Variants in SLC25A10 observed in about 807,000 individuals in gnomAD.
SLC25A10 encodes the protein solute carrier family 25 member 10.
Under a neutral mutation model 40.4 loss-of-function variants are expected in SLC25A10, and 32 were observed. The observed-to-expected ratio is 0.79, with a 90% CI of 0.60 to 1.06. The LOEUF is 1.06. Ranked by LOEUF, SLC25A10 falls within the 50% of genes least tolerant of loss-of-function variation. SLC25A10 has a pLI of 0.00. For missense variants in SLC25A10, 394 were observed against 402.6 expected (o/e 0.98, Z 0.18); for synonymous variants, 181 against 171.1 (o/e 1.06, Z -0.45).
chr17:81,719,888 G>T lies in SLC25A10; in HGVS notation c.762+1G>T, dbSNP rs762087308. 1.2e-6 allele frequency: 2 copies of T among 1,613,860 alleles called. No homozygotes were observed. The highest frequency in any genetic ancestry group is 2.2e-5 in the East Asian group (1 of 44,882). On this transcript the variant is annotated splice_donor_variant, in intron 10 of 10. Transcript: ENST00000350690. LOFTEE classifies it high-confidence loss of function. ...GCTCGGGCCTCTGGCCTTTTACAAG[G>T]TGCAGTGGTGGCGGCAGTGGCGGCT...
intron 8 of SLC25A10, 72 bp from the exon 9 acceptor site, chr17:81,717,712 G>T: frequency 6.5e-7 from 1 of 1,538,210 alleles, no homozygotes; most frequent in South Asian, 1.2e-5. Flanking sequence ...TGGAGGTTCT[G>T]GCACGTGGGT....
At chr17:81,717,749 C>T in intron 8 of SLC25A10, 35 bp from the exon 9 acceptor site, 1 of 1,600,048 alleles carries the variant, frequency 6.2e-7, no homozygotes, top group Non-Finnish European at 8.5e-7. Flanking sequence ...GCCTGGCGTA[C>T]CTGACAGGCC....
At chr17:81,717,917 C>A in intron 9 of SLC25A10, 56 bp downstream of exon 9, 1 of 1,384,340 alleles carries the variant, frequency 7.2e-7, no homozygotes. Context: ...GTCCCCTCAC[C>A]TCTCCGGGGG....
At position 81,717,327 on chromosome 17, in the gene SLC25A10, G is replaced by T. The variant is rs562378323; in HGVS notation, c.535-72G>T. On this transcript the variant is annotated intron_variant, in intron 7 of 10. Transcript: ENST00000350690. ...TGCTTGGCCATTGCCAGGTGGTGTC[G>T]CCTGGGGCCCTGTGTGCTTTCCCCA... The T allele has an allele frequency of 1.2e-5, 18 of 1,459,240 alleles. No homozygotes were observed. In the African/African-American group the frequency reaches 2.4e-4, roughly 19 times the overall value. 90.4% of individuals were successfully genotyped at this position (1,459,240 alleles called of 1,614,324 possible).
At chr17:81,716,168 G>T in intron 5 of SLC25A10, 118 bp downstream of exon 5, 1 of 1,097,996 alleles carries the variant, frequency 9.1e-7, no homozygotes, top group Non-Finnish European at 1.3e-6. Context: ...GTGCCTGCAC[G>T]GTCCATGGAG....
chr17:81,713,323 C>A, intron 1 of SLC25A10: 1 of 319,564 alleles, frequency 3.1e-6, no homozygotes, highest in Non-Finnish European at 4.5e-6. Flanking sequence ...GAAGAAAGGG[C>A]CTGAGGCTTT....
chr17:81,717,567 G>A (rs1293189107), intron 8 of SLC25A10, 76 bp downstream of exon 8: 3 of 1,534,082 alleles, frequency 2.0e-6, no homozygotes, highest in Non-Finnish European at 2.7e-6. Context: ...ATGGGGCGAG[G>A]GCTGGGGGAG....
At chr17:81,715,876 AG>A in intron 4 of SLC25A10, 132 bp from the exon 5 acceptor site, 1 of 1,417,720 alleles carries the variant, frequency 7.1e-7, no homozygotes, top group Non-Finnish European at 9.9e-7. Flanking sequence ...TGGGCATAGG[AG>A]GGTGGGTGTC....
chr17:81,712,748 C>T (rs1334038782), intron 1 of SLC25A10, among the ~76,000 whole-genome samples: 1 of 152,242 alleles, frequency 6.6e-6, no homozygotes, highest in Non-Finnish European at 1.5e-5. Context: ...AGCTTCCCAG[C>T]CGGCTTCCCA....
At position 81,715,748 on chromosome 17, in the gene SLC25A10, G is replaced by A. The variant is rs530097482; in HGVS notation, c.377+7G>A. On this transcript the variant is annotated splice_region_variant and intron_variant, in intron 4 of 10. Coordinates refer to ENST00000350690, the MANE Select transcript of SLC25A10 (RefSeq NM_012140.5). ...CAGACTTGGTCAACGTCAGGTTGGT[G>A]TTCCCCCACCCCACCTGCAAGGCCA... 1.2e-6 allele frequency: 2 copies of A among 1,613,200 alleles called. No homozygotes were observed. Among genetic ancestry groups the A allele is most frequent in the Non-Finnish European group, 1.7e-6 (2 of 1,179,906 alleles).
chr17:81,713,354 C>G, intron 1 of SLC25A10: 1 of 654,390 alleles, frequency 1.5e-6, no homozygotes, highest in Non-Finnish European at 1.9e-6. Flanking sequence ...CCCAGCAGGC[C>G]CTGCCCTGTG....
At chr17:81,716,636 G>A (rs560317600) in intron 5 of SLC25A10, 176 bp from the exon 6 acceptor site, 64 of 636,370 alleles carry the variant, frequency 1.0e-4, no homozygotes, top group African/African-American at 1.6e-4. Flanking sequence ...CGGGCGGGGC[G>A]GGCGAGGTGG....
intron 9 of SLC25A10, 62 bp downstream of exon 9, chr17:81,717,923 G>A (rs1186069256): frequency 1.3e-5 from 17 of 1,335,858 alleles, no homozygotes; most frequent in Middle Eastern, 2.1e-4. Flanking sequence ...TCACCTCTCC[G>A]GGGGGTGGAC....
chr17:81,716,842 C>G lies in SLC25A10; in HGVS notation c.450C>G (p.Arg150=), dbSNP rs530579141. 3 of 1,611,168 alleles carry G rather than the reference C, an allele frequency of 1.9e-6. No individual in the cohort carries two copies. Among genetic ancestry groups the G allele is most frequent in the Non-Finnish European group, 2.5e-6 (3 of 1,179,016 alleles). The change falls in exon 6 of 11, where the codon CGC becomes CGG. Residue 150 remains arginine, a synonymous_variant. Transcript: ENST00000350690. ...CCCATGCGCTGGATGGCCTGTACCG[C>G]GTAGCTCGTGAAGGTGAGGGGCAGG... ...NYAHALDGLY[R]VAREEGLRRL... is the part of the protein sequence containing the mutation.
chr17:81,713,346 C>T (rs2037420597), intron 1 of SLC25A10: 1 of 561,322 alleles, frequency 1.8e-6, no homozygotes, highest in Admixed American at 6.3e-5. Flanking sequence ...ACAGTCTGCC[C>T]AGCAGGCCCT....
chr17:81,715,217 A>G, intron 2 of SLC25A10, 145 bp downstream of exon 2: 1 of 1,276,116 alleles, frequency 7.8e-7, no homozygotes, highest in Non-Finnish European at 1.1e-6. Context: ...TGCGCCTCCC[A>G]TGGGCACCCA....
intron 9 of SLC25A10, 112 bp from the exon 10 acceptor site, chr17:81,719,719 C>T: frequency 7.9e-7 from 1 of 1,269,868 alleles, no homozygotes. Context: ...ACACCCACAC[C>T]CCACATTGAG....
chr17:81,720,806 T>C lies in SLC25A10; in HGVS notation c.*729T>C. 1 of 262,094 alleles carries C rather than the reference T, an allele frequency of 3.8e-6. No homozygotes were observed. Among genetic ancestry groups the C allele is most frequent in the East Asian group, 6.5e-5 (1 of 15,322 alleles). 16.2% of individuals were successfully genotyped at this position (262,094 alleles called of 1,614,324 possible). On this transcript the variant is annotated 3_prime_UTR_variant, in exon 11 of 11. Transcript: ENST00000350690. ...TCTGTCTTCAGGGATTGTGCCTGCG[T>C]CCCTCGGGCACCTGGGCCCCCCCGC...
intron 8 of SLC25A10, 90 bp from the exon 9 acceptor site, chr17:81,717,694 G>C: frequency 6.8e-7 from 1 of 1,472,290 alleles, no homozygotes; most frequent in Non-Finnish European, 9.3e-7. Context: ...CCCGCCCTAG[G>C]AGTCAGGTGG....
Sources: gnomAD v4.1 joint callset for allele counts (sites outside exome capture counted in the v4.1 genomes callset) on GRCh38, gnomAD v4.1.1 for gene constraint, MANE v1.5 for transcripts, NCBI Gene and HGNC (gene_info 2026-07-23, HGNC 2026-07-21) for gene names.